Variants in XKR9 observed in about 807,000 individuals in gnomAD.
The protein encoded by XKR9 is XK related 9, also known as XK-related protein 9.
In XKR9, 32 loss-of-function variants were observed where a neutral mutation model predicts 32.0. That is an observed-to-expected ratio of 1.00 (90% CI 0.76 to 1.34). The LOEUF is 1.34. XKR9 is among the 40% of genes most tolerant of loss of function. XKR9 has a pLI of 0.00. For synonymous variants in XKR9, 168 were observed against 143.4 expected, an observed-to-expected ratio of 1.17 and a Z score of -1.22; for missense variants, 546 against 429.7, an observed-to-expected ratio of 1.27 and a Z score of -2.39.
chr8:70,844,061 C>T, the XKR9 span, among the ~76,000 whole-genome samples: 1 of 152,228 alleles, frequency 6.6e-6, no homozygotes, highest in Non-Finnish European at 1.5e-5. Flanking sequence ...ATGGGCAGTG[C>T]AGCTTACCAA....
At chr8:70,952,826 T>C in the XKR9 span, among the ~76,000 whole-genome samples, 1 of 152,254 alleles carries the variant, frequency 6.6e-6, no homozygotes, top group African/African-American at 2.4e-5. Flanking sequence ...TAGGCACCAC[T>C]AACCACTGCT....
At chr8:70,837,067 T>C in the XKR9 span, among the ~76,000 whole-genome samples, 3 of 152,074 alleles carry the variant, frequency 2.0e-5, no homozygotes, top group Non-Finnish European at 4.4e-5. Context: ...TTCTACCACC[T>C]CTAGGTCTAT....
At chr8:70,710,728 CAAAT>C (rs969286307) in intron 4 of XKR9, among the ~76,000 whole-genome samples, 28 of 151,352 alleles carry the variant, frequency 1.8e-4, no homozygotes, top group Non-Finnish European at 2.8e-4. Context: ...ACAACAAAAA[CAAAT>C]AAACAAACAA....
chr8:70,950,944 G>GA, the XKR9 span, among the ~76,000 whole-genome samples: 4 of 152,126 alleles, frequency 2.6e-5, no homozygotes, highest in Non-Finnish European at 5.9e-5. Context: ...AAAGTGCTGG[G>GA]ATTACAGGAG....
intron 2 of XKR9, among the ~76,000 whole-genome samples, chr8:70,759,684 A>T (rs1321934244): frequency 6.6e-6 from 1 of 152,138 alleles, no homozygotes; most frequent in Non-Finnish European, 1.5e-5. Context: ...ACTTGTTTTA[A>T]TTACCGTATT....
chr8:70,849,198 A>C, the XKR9 span, among the ~76,000 whole-genome samples: 2 of 152,138 alleles, frequency 1.3e-5, no homozygotes, highest in African/African-American at 4.8e-5. Context: ...GTTGGAAGTA[A>C]AACACTCCTC....
chr8:70,870,675 G>A, the XKR9 span, among the ~76,000 whole-genome samples: 1 of 152,206 alleles, frequency 6.6e-6, no homozygotes, highest in African/African-American at 2.4e-5. Context: ...TGCATCATCA[G>A]TTTATTGTGG....
At chr8:70,994,293 C>T in the XKR9 span, among the ~76,000 whole-genome samples, 1 of 152,040 alleles carries the variant, frequency 6.6e-6, no homozygotes, top group East Asian at 1.9e-4. Context: ...GACAGGTCTA[C>T]TGGTGATGAA....
chr8:70,958,319 C>T, the XKR9 span, among the ~76,000 whole-genome samples: 2 of 152,196 alleles, frequency 1.3e-5, no homozygotes, highest in Admixed American at 6.5e-5. Context: ...CTCCCACCAC[C>T]AGTGTAAAAG....
the XKR9 span, among the ~76,000 whole-genome samples, chr8:70,967,749 G>A: frequency 1.3e-5 from 2 of 151,790 alleles, no homozygotes; most frequent in Non-Finnish European, 2.9e-5. Context: ...TTTTAAGAAT[G>A]TTGAATATTG....
At chr8:70,709,366 G>GAA (rs1383160192) in intron 4 of XKR9, among the ~76,000 whole-genome samples, 1 of 152,102 alleles carries the variant, frequency 6.6e-6, no homozygotes, top group African/African-American at 2.4e-5. Flanking sequence ...GCAAAAGCTG[G>GAA]AAGCATTCCT....
chr8:70,734,385 T>C lies in XKR9; in HGVS notation c.1083T>C (p.Val361=), dbSNP rs1229946664. 1.2e-6 allele frequency: 2 copies of C among 1,604,878 alleles called. No homozygotes were observed. The highest frequency in any genetic ancestry group is 1.7e-6 in the Non-Finnish European group (2 of 1,178,212). The change falls in exon 5 of 5, where the codon GTT becomes GTC. Residue 361 remains valine, a synonymous_variant. Coordinates refer to ENST00000408926, the MANE Select transcript of XKR9 (RefSeq NM_001011720.2). ...TKCDEIDGKP[V]LRECRMRYFL... ...GTGATGAAATTGATGGAAAACCAGT[T>C]CTAAGAGAATGTAGAATGAGATATT...
chr8:70,946,648 A>T, the XKR9 span, among the ~76,000 whole-genome samples: 3 of 152,192 alleles, frequency 2.0e-5, no homozygotes, highest in Non-Finnish European at 4.4e-5. Flanking sequence ...TTATTACAGG[A>T]TTCTAGGAGG....
the XKR9 span, among the ~76,000 whole-genome samples, chr8:70,999,570 G>C: frequency 6.6e-6 from 1 of 152,116 alleles, no homozygotes; most frequent in Non-Finnish European, 1.5e-5. Flanking sequence ...GGGTCCTTTT[G>C]ATCTGTTCAT....
At chr8:70,890,175 C>T in the XKR9 span, among the ~76,000 whole-genome samples, 2 of 151,762 alleles carry the variant, frequency 1.3e-5, no homozygotes, top group Non-Finnish European at 1.5e-5. Flanking sequence ...ATGATTAGTG[C>T]TGTGGAACAT....
chr8:71,035,152 G>T, the XKR9 span, among the ~76,000 whole-genome samples: 14 of 152,128 alleles, frequency 9.2e-5, no homozygotes, highest in African/African-American at 3.4e-4. Flanking sequence ...TTTTATTGCT[G>T]TCATTGCCTA....
At chr8:70,944,907 G>A in the XKR9 span, among the ~76,000 whole-genome samples, 1 of 152,122 alleles carries the variant, frequency 6.6e-6, no homozygotes, top group African/African-American at 2.4e-5. Flanking sequence ...AGTGAAAGAG[G>A]TTCTCTAATA....
At chr8:70,951,554 A>G in the XKR9 span, among the ~76,000 whole-genome samples, 1 of 152,290 alleles carries the variant, frequency 6.6e-6, no homozygotes, top group Non-Finnish European at 1.5e-5. Flanking sequence ...CAAATCAGTT[A>G]TGTGTACCTG....
the XKR9 span, among the ~76,000 whole-genome samples, chr8:71,057,959 T>C: frequency 6.6e-6 from 1 of 152,068 alleles, no homozygotes; most frequent in Admixed American, 6.6e-5. Flanking sequence ...CCGAGGTGGA[T>C]GGATCACGAG....
Sources: gnomAD v4.1 joint callset for allele counts (sites outside exome capture counted in the v4.1 genomes callset) on GRCh38, gnomAD v4.1.1 for gene constraint, MANE v1.5 for transcripts, NCBI Gene and HGNC (gene_info 2026-07-23, HGNC 2026-07-21) for gene names.